Variants in VAC14 observed in about 807,000 individuals in gnomAD.
The protein encoded by VAC14 is protein VAC14 homolog.
VAC14 carries 47 observed loss-of-function variants against 85.3 expected under a neutral mutation model. The observed-to-expected ratio is 0.55, with a 90% CI of 0.44 to 0.70. VAC14 has a LOEUF of 0.70. Ranked by LOEUF, VAC14 falls within the 30% of genes least tolerant of loss-of-function variation. VAC14 has a pLI of 0.00. For missense variants in VAC14, 861 were observed against 1,004.3 expected (o/e 0.86, Z 1.93); for synonymous variants, 447 against 430.5 (o/e 1.04, Z -0.47).
chr16:70,751,697 T>C (rs2031399895), intron 12 of VAC14, among the ~76,000 whole-genome samples: 2 of 152,198 alleles, frequency 1.3e-5, no homozygotes, highest in African/African-American at 2.4e-5. Context: ...CGGGCTGCTG[T>C]ACCCAGGAAG....
intron 14 of VAC14, among the ~76,000 whole-genome samples, chr16:70,722,642 A>G (rs1248995419): frequency 6.6e-6 from 1 of 152,140 alleles, no homozygotes; most frequent in Non-Finnish European, 1.5e-5. Flanking sequence ...GATGGACAAG[A>G]CACACTCGGT....
intron 14 of VAC14, among the ~76,000 whole-genome samples, chr16:70,725,329 T>C (rs1255396707): frequency 1.3e-5 from 2 of 152,202 alleles, no homozygotes; most frequent in African/African-American, 4.8e-5. Flanking sequence ...CCGGTGGCCT[T>C]GGACACCTTG....
chr16:70,774,769 G>A (rs571472165), intron 9 of VAC14, among the ~76,000 whole-genome samples: 81 of 111,882 alleles, frequency 7.2e-4, no homozygotes, highest in African/African-American at 2.9e-3. Flanking sequence ...TTTTTGATAC[G>A]GTTTGACTCT....
chr16:70,707,146 C>G (rs2053936232), intron 14 of VAC14, among the ~76,000 whole-genome samples: 1 of 152,258 alleles, frequency 6.6e-6, no homozygotes, highest in Admixed American at 6.5e-5. Flanking sequence ...GCCCCTCCCC[C>G]TCTGCTCTCT....
chr16:70,723,317 C>T lies in VAC14; in HGVS notation c.1661+8178G>A, dbSNP rs1364650906. On this transcript the variant is annotated intron_variant, in intron 14 of 18. Coordinates refer to ENST00000261776, the MANE Select transcript of VAC14 (RefSeq NM_018052.5). ...AAAATAATAGGCATGGTGGTGTGTG[C>T]CTATAGTCCCAGCTACTTGAGAGGC... Among the ~76,000 whole-genome samples the T allele has an allele frequency of 2.0e-5, 3 of 151,932 alleles. No individual in the cohort carries two copies. In the East Asian group the frequency reaches 5.8e-4, roughly 29 times the overall value.
At chr16:70,691,119 TC>T (rs2053587493) in intron 18 of VAC14, 1 of 985,372 alleles carries the variant, frequency 1.0e-6, no homozygotes, top group Non-Finnish European at 1.2e-6. Context: ...CGTGGGAGAT[TC>T]TGAGGAAAGC....
chr16:70,744,649 G>A (rs992613173), intron 12 of VAC14, 70 bp from the exon 13 acceptor site: 12 of 1,498,914 alleles, frequency 8.0e-6, no homozygotes, highest in Middle Eastern at 2.4e-4. Flanking sequence ...GCAGAGGTGC[G>A]GTTGGTGGCA....
At chr16:70,702,132 A>G (rs1271003833) in intron 14 of VAC14, among the ~76,000 whole-genome samples, 1 of 152,230 alleles carries the variant, frequency 6.6e-6, no homozygotes, top group Non-Finnish European at 1.5e-5. Flanking sequence ...AGGCCAGCGC[A>G]TTCTCTCTGT....
intron 12 of VAC14, among the ~76,000 whole-genome samples, chr16:70,744,839 C>A (rs16970476): frequency 6.6e-5 from 10 of 152,220 alleles, no homozygotes; most frequent in Non-Finnish European, 1.2e-4. Flanking sequence ...TTCGGAGAGT[C>A]AGCTTCCCCA....
chr16:70,791,411 G>C (rs1302009706), intron 1 of VAC14, among the ~76,000 whole-genome samples: 1 of 152,090 alleles, frequency 6.6e-6, no homozygotes, highest in Non-Finnish European at 1.5e-5. Flanking sequence ...TTGAGACAGA[G>C]TCTCGCTCTG....
At chr16:70,784,992 G>A (rs1464501009) in intron 3 of VAC14, among the ~76,000 whole-genome samples, 154 bp from the exon 4 acceptor site, 2 of 152,226 alleles carry the variant, frequency 1.3e-5, no homozygotes, top group East Asian at 3.9e-4. Flanking sequence ...TTTGAGAAAG[G>A]CTGGGAAAGT....
intron 1 of VAC14, among the ~76,000 whole-genome samples, chr16:70,789,707 A>G (rs533056186): frequency 6.6e-6 from 1 of 152,312 alleles, no homozygotes; most frequent in South Asian, 2.1e-4. Context: ...TTTGATGAAA[A>G]CACTTATTTT....
At chr16:70,738,783 C>T (rs1245887267) in intron 13 of VAC14, among the ~76,000 whole-genome samples, 1 of 152,204 alleles carries the variant, frequency 6.6e-6, no homozygotes, top group African/African-American at 2.4e-5. Context: ...GCCAGGGATT[C>T]CGGGGTAAGT....
intron 8 of VAC14, 141 bp downstream of exon 8, chr16:70,781,728 C>T: frequency 8.2e-7 from 1 of 1,215,492 alleles, no homozygotes; most frequent in South Asian, 1.7e-5. Context: ...ACGTTTGGCT[C>T]CATCTCTTTT....
chr16:70,687,632 G>A lies in VAC14; in HGVS notation c.*296C>T. On this transcript the variant is annotated 3_prime_UTR_variant, in exon 19 of 19. Transcript: ENST00000261776. ...GAGGGGCAAGCTCTTTTTCCAAGAG[G>A]GTATTAGAAAGAGGTTGATTCCAGA... The A allele has an allele frequency of 3.3e-6, 1 of 303,762 alleles. No homozygotes were observed. Among genetic ancestry groups the A allele is most frequent in the East Asian group, 5.4e-5 (1 of 18,556 alleles). 18.8% of individuals were successfully genotyped at this position (303,762 alleles called of 1,614,324 possible).
chr16:70,759,530 A>G (rs1251959219), intron 12 of VAC14, among the ~76,000 whole-genome samples: 2 of 152,218 alleles, frequency 1.3e-5, no homozygotes, highest in Non-Finnish European at 1.5e-5. Context: ...TGGGAGGCTG[A>G]GGCAGGAGGA....
At chr16:70,784,063 C>G (rs552948202) in intron 5 of VAC14, 50 bp downstream of exon 5, 5 of 1,498,094 alleles carry the variant, frequency 3.3e-6, no homozygotes, top group Non-Finnish European at 9.3e-7. Context: ...TGCTAGAGAG[C>G]AGATTTTCCA....
intron 1 of VAC14, among the ~76,000 whole-genome samples, chr16:70,799,050 G>T (rs2034658982): frequency 6.6e-6 from 1 of 152,212 alleles, no homozygotes; most frequent in Admixed American, 6.5e-5. Context: ...ACTGTGTGCA[G>T]AGTGAGAACA....
At chr16:70,760,816 G>C (rs971324782) in intron 12 of VAC14, among the ~76,000 whole-genome samples, 10 of 152,130 alleles carry the variant, frequency 6.6e-5, no homozygotes, top group Admixed American at 6.6e-4. Flanking sequence ...AAGTCCTAGG[G>C]AAGGAACCAA....
Sources: allele counts gnomAD v4.1 joint callset (sites outside exome capture counted in the v4.1 genomes callset), GRCh38; gene constraint gnomAD v4.1.1; transcripts MANE v1.5; gene names NCBI Gene and HGNC (gene_info 2026-07-23, HGNC 2026-07-21).